Variants in HDAC4 observed in about 807,000 individuals in gnomAD.
The protein encoded by HDAC4 is histone deacetylase A.
A neutral mutation model predicts 135.1 loss-of-function variants in HDAC4; 16 were observed. The ratio of observed to expected loss-of-function variants is 0.12; its 90% CI spans 0.08 to 0.18. The LOEUF (loss-of-function observed/expected upper bound fraction) is 0.18, where lower values mean the gene tolerates loss of function less well. Among genes scored for constraint, HDAC4 ranks in the 10% least tolerant of loss-of-function variants. The pLI, the probability that HDAC4 is intolerant of heterozygous loss-of-function variation, is 1.00. For synonymous variants in HDAC4, 685 were observed against 653.4 expected (o/e 1.05, Z -0.74); for missense variants, 1,143 against 1,511.8 (o/e 0.76, Z 4.05).
intron 1 of HDAC4, among the ~76,000 whole-genome samples, chr2:239,380,075 G>A (rs1158983719): frequency 6.6e-6 from 1 of 152,228 alleles, no homozygotes; most frequent in East Asian, 1.9e-4. Context: ...ATGAGACCTG[G>A]GGTCGGGGGC....
At chr2:239,300,244 T>C (rs542541672) in intron 2 of HDAC4, among the ~76,000 whole-genome samples, 219 of 152,324 alleles carry the variant, frequency 1.4e-3, no homozygotes, top group African/African-American at 5.0e-3. Flanking sequence ...TGAAGCCTCA[T>C]CCATTCAAAT....
chr2:239,216,660 A>G (rs2046656040), intron 3 of HDAC4, among the ~76,000 whole-genome samples: 1 of 152,138 alleles, frequency 6.6e-6, no homozygotes. Flanking sequence ...CTCTGGGTGA[A>G]GCTCCACCTG....
At chr2:239,148,344 G>T (rs1471488731) in intron 7 of HDAC4, among the ~76,000 whole-genome samples, 1 of 152,176 alleles carries the variant, frequency 6.6e-6, no homozygotes, top group Non-Finnish European at 1.5e-5. Context: ...GGAGTGCAAA[G>T]GTCGTACAAC....
At chr2:239,096,665 C>A (rs1177348419) in intron 16 of HDAC4, among the ~76,000 whole-genome samples, 2 of 68,494 alleles carry the variant, frequency 2.9e-5, no homozygotes, top group Non-Finnish European at 5.6e-5. Flanking sequence ...TGATGCCCAC[C>A]CCCCCCATGG....
intron 23 of HDAC4, 96 bp from the exon 24 acceptor site, chr2:239,066,951 G>T (rs1164520138): frequency 6.7e-7 from 1 of 1,483,674 alleles, no homozygotes; most frequent in Admixed American, 2.0e-5. Context: ...GAAGACTGGG[G>T]GCTGGGGTGT....
At chr2:239,290,664 CGCAT>C (rs1276945181) in intron 2 of HDAC4, among the ~76,000 whole-genome samples, 1 of 152,096 alleles carries the variant, frequency 6.6e-6, no homozygotes. Context: ...CATGCGCGCA[CGCAT>C]GCATTCAGTT....
intron 2 of HDAC4, among the ~76,000 whole-genome samples, chr2:239,289,412 T>C (rs78281627): frequency 0.032 from 4,827 of 152,302 alleles, 266 homozygotes; most frequent in African/African-American, 0.11. Context: ...TGTTTTTGCA[T>C]ATAACTTTTC....
At chr2:239,364,450 C>T (rs920268661) in intron 1 of HDAC4, among the ~76,000 whole-genome samples, 2 of 152,156 alleles carry the variant, frequency 1.3e-5, no homozygotes, top group African/African-American at 4.8e-5. Context: ...TGTAGGGCTC[C>T]GTGTGCATAA....
At chr2:239,384,655 G>A (rs1209946710) in intron 1 of HDAC4, among the ~76,000 whole-genome samples, 1 of 151,994 alleles carries the variant, frequency 6.6e-6, no homozygotes, top group African/African-American at 2.4e-5. Context: ...GAAAGAGAAG[G>A]GAAAACTGCC....
chr2:239,079,896 A>G (rs2152678340), intron 22 of HDAC4, among the ~76,000 whole-genome samples: 1 of 152,348 alleles, frequency 6.6e-6, no homozygotes, highest in African/African-American at 2.4e-5. Flanking sequence ...CCTCAGAGAT[A>G]TGCACACACA....
rs1267767244 is a variant in HDAC4 at position 239,264,468 on chromosome 2, G to A, written c.23-27804C>T. ...ACATGAAGGTCGCTGGGCAGATGCA[G>A]CGGTTTATCTTGGAAAAAGAAGTGT... On this transcript the variant is annotated intron_variant, in intron 2 of 26. Coordinates refer to ENST00000543185, the MANE Select transcript of HDAC4 (RefSeq NM_001378414.1). Among the ~76,000 whole-genome samples, 5 of 152,264 alleles carry A rather than the reference G, an allele frequency of 3.3e-5. No homozygotes were observed. In the South Asian group the frequency reaches 1.0e-3, roughly 31 times the overall value.
chr2:239,363,067 C>A (rs1224573039), intron 1 of HDAC4, among the ~76,000 whole-genome samples: 1 of 152,024 alleles, frequency 6.6e-6, no homozygotes, highest in East Asian at 1.9e-4. Context: ...TAATAGCATA[C>A]AATATTAGCA....
At chr2:239,055,716 CAAAA>C (rs201658364) in intron 24 of HDAC4, among the ~76,000 whole-genome samples, 25 of 71,088 alleles carry the variant, frequency 3.5e-4, no homozygotes, top group African/African-American at 7.8e-4. Context: ...GACCCTGTCT[CAAAA>C]AAAAAAAAAA....
At chr2:239,351,400 T>C (rs1392944380) in intron 2 of HDAC4, among the ~76,000 whole-genome samples, 1 of 152,156 alleles carries the variant, frequency 6.6e-6, no homozygotes, top group Admixed American at 6.5e-5. Flanking sequence ...AGAATTATAC[T>C]CTATGAAAAT....
chr2:239,250,494 T>G (rs2048726694), intron 2 of HDAC4, among the ~76,000 whole-genome samples: 1 of 152,288 alleles, frequency 6.6e-6, no homozygotes, highest in African/African-American at 2.4e-5. Flanking sequence ...TTCCTGCCAC[T>G]GGGGCTGCCA....
intron 4 of HDAC4, among the ~76,000 whole-genome samples, chr2:239,179,037 G>A (rs1011900102): frequency 1.3e-5 from 2 of 151,690 alleles, no homozygotes; most frequent in African/African-American, 2.4e-5. Context: ...GCCACCGGAC[G>A]CCTGAGGCAT....
intron 1 of HDAC4, among the ~76,000 whole-genome samples, chr2:239,389,835 G>A (rs1434597923): frequency 1.3e-5 from 2 of 152,192 alleles, no homozygotes; most frequent in Admixed American, 1.3e-4. Context: ...TTCTGGAAGA[G>A]GCATGTCCAG....
chr2:239,056,559 G>A (rs2031876714), intron 24 of HDAC4, among the ~76,000 whole-genome samples: 2 of 152,224 alleles, frequency 1.3e-5, no homozygotes, highest in South Asian at 4.1e-4. Context: ...CAGATACACA[G>A]GAGTTCACCG....
chr2:239,074,718 G>A (rs1448756096), intron 22 of HDAC4, among the ~76,000 whole-genome samples: 1 of 152,176 alleles, frequency 6.6e-6, no homozygotes, highest in African/African-American at 2.4e-5. Flanking sequence ...TTTGTGGCGC[G>A]ACTAAGAAAC....
Sources: allele counts gnomAD v4.1 joint callset (sites outside exome capture counted in the v4.1 genomes callset), GRCh38; gene constraint gnomAD v4.1.1; transcripts MANE v1.5; gene names NCBI Gene and HGNC (gene_info 2026-07-23, HGNC 2026-07-21).